CLTCL1: variants seen among roughly 807,000 people sequenced by gnomAD.
The protein encoded by CLTCL1 is clathrin heavy chain 2.
A neutral mutation model predicts 190.0 loss-of-function variants in CLTCL1; 159 were observed. The observed-to-expected ratio is 0.84, with a 90% confidence interval of 0.74 to 0.95. The LOEUF is 0.95. Ranked by LOEUF, CLTCL1 falls within the 40% of genes least tolerant of loss-of-function variation. The probability of loss-of-function intolerance (pLI) is 0.00; values close to 1 mark genes in which losing one functional copy is unlikely to be tolerated. For synonymous variants in CLTCL1, 752 were observed against 769.6 expected (o/e 0.98, Z 0.38); for missense variants, 1,878 against 2,033.4 (o/e 0.92, Z 1.47).
At chr22:19,184,562 C>T (rs1016433791) in intron 29 of CLTCL1, 1 of 455,946 alleles carries the variant, frequency 2.2e-6, no homozygotes. Flanking sequence ...GATTCTGACC[C>T]TCAGGTGAGA....
At chr22:19,260,450 G>A (rs939805912) in intron 2 of CLTCL1, among the ~76,000 whole-genome samples, 7 of 151,572 alleles carry the variant, frequency 4.6e-5, no homozygotes, top group East Asian at 1.9e-4. Context: ...AATGCTCACC[G>A]ACCACTCCAA....
At chr22:19,185,427 C>G (rs1771542) in intron 29 of CLTCL1, among the ~76,000 whole-genome samples, 2 of 151,640 alleles carry the variant, frequency 1.3e-5, no homozygotes, top group African/African-American at 2.4e-5. Flanking sequence ...CCTGGGTTCA[C>G]GCCATTCTCC....
chr22:19,187,727 C>G lies in CLTCL1; in HGVS notation c.4436G>C (p.Gly1479Ala), dbSNP rs540713106. 3.7e-5 allele frequency: 59 copies of G among 1,613,032 alleles called. No homozygotes were observed. The East Asian group carries it at 1.1e-3, about 30-fold the overall frequency. ...ATAGGCATCGATAGATGCCCTTAAG[C>G]CCTAGGAAGACAGCCTTTCTGTGAG... ...HLLTEEEDYQGLRASIDAYDN... is the reference protein window; with the variant it reads ...HLLTEEEDYQALRASIDAYDN... Residue 1479 changes from glycine (G) to alanine (A), a missense_variant and splice_region_variant, in exon 29 of 33, where the codon GGC (glycine) becomes GCC (alanine). Physicochemically the swap from Gly to Ala is moderately conservative, Grantham distance 60. Transcript: ENST00000427926.
chr22:19,249,882 C>T, intron 3 of CLTCL1: 1 of 426,362 alleles, frequency 2.3e-6, no homozygotes, highest in Non-Finnish European at 4.7e-6. Flanking sequence ...CGCCAGGTAC[C>T]ATGCAAAAGC....
intron 3 of CLTCL1, among the ~76,000 whole-genome samples, chr22:19,251,311 A>T (rs2800993): frequency 0.071 from 10,838 of 152,176 alleles, 473 homozygotes; most frequent in Middle Eastern, 0.17. Context: ...GATGTTTGCA[A>T]ACTGATATTG....
At chr22:19,187,879 G>A in intron 28 of CLTCL1, 102 bp downstream of exon 28, 4 of 1,367,766 alleles carry the variant, frequency 2.9e-6, no homozygotes, top group Non-Finnish European at 4.1e-6. Context: ...TGTGGGGCCT[G>A]CACACCCTCC....
intron 22 of CLTCL1, chr22:19,207,884 A>T (rs1198325578): frequency 1.6e-6 from 1 of 636,772 alleles, no homozygotes; most frequent in African/African-American, 1.8e-5. Flanking sequence ...GTTGCAGGAA[A>T]ATAAACTCAG....
intron 2 of CLTCL1, among the ~76,000 whole-genome samples, chr22:19,266,271 A>C (rs968286733): frequency 2.0e-5 from 3 of 152,206 alleles, no homozygotes; most frequent in Admixed American, 1.3e-4. Flanking sequence ...AACCCCAAAG[A>C]AATTAAAAGA....
chr22:19,227,307 T>A (rs1331323677), intron 11 of CLTCL1, among the ~76,000 whole-genome samples: 1 of 135,690 alleles, frequency 7.4e-6, no homozygotes, highest in African/African-American at 2.8e-5. Context: ...TGAGACAGGG[T>A]CTCACTCTGT....
rs2084494467 is a variant in CLTCL1 at position 19,191,284 on chromosome 22, T to C, written c.4323+20A>G. On this transcript the variant is annotated intron_variant, in intron 27 of 32. Coordinates refer to ENST00000427926, the MANE Select transcript of CLTCL1 (RefSeq NM_007098.4). ...AGCTAGCCCAATACACTCTTCTACC[T>C]GGGGTTTTGGTTGACTCACCTTTGA... 3.1e-6 allele frequency: 5 copies of C among 1,613,814 alleles called. No individual in the cohort carries two copies. The highest frequency in any genetic ancestry group is 1.7e-5 in the Admixed American group (1 of 59,994).
intron 26 of CLTCL1, among the ~76,000 whole-genome samples, chr22:19,194,805 T>C (rs2084643605): frequency 6.6e-6 from 1 of 152,248 alleles, no homozygotes; most frequent in African/African-American, 2.4e-5. Flanking sequence ...AGTGGATTCC[T>C]GCTATCGTGT....
At chr22:19,208,400 C>T (rs1569171359) in intron 21 of CLTCL1, 89 bp from the exon 22 acceptor site, 1 of 1,456,386 alleles carries the variant, frequency 6.9e-7, no homozygotes, top group Non-Finnish European at 9.4e-7. Context: ...CAGCCAGACA[C>T]ATTTACCCTC....
chr22:19,225,361 G>T, intron 13 of CLTCL1, 92 bp downstream of exon 13: 1 of 1,360,324 alleles, frequency 7.4e-7, no homozygotes, highest in Non-Finnish European at 9.9e-7. Flanking sequence ...GGCTTTGCAG[G>T]AAGGCCGTCT....
chr22:19,203,850 G>A (rs2084971165), intron 22 of CLTCL1, among the ~76,000 whole-genome samples: 1 of 152,132 alleles, frequency 6.6e-6, no homozygotes. Context: ...CCCCCAGGCA[G>A]TCCTCACACA....
chr22:19,194,211 C>T (rs2084619144), intron 26 of CLTCL1, among the ~76,000 whole-genome samples: 2 of 152,184 alleles, frequency 1.3e-5, no homozygotes, highest in Non-Finnish European at 2.9e-5. Flanking sequence ...CAAAATTTCT[C>T]CAAGTCCCCA....
intron 19 of CLTCL1, among the ~76,000 whole-genome samples, chr22:19,211,730 G>A (rs1485756889): frequency 1.4e-5 from 2 of 143,208 alleles, no homozygotes; most frequent in African/African-American, 2.6e-5. Flanking sequence ...TTGCGCCACT[G>A]CACTCCAGCC....
intron 16 of CLTCL1, 88 bp downstream of exon 16, chr22:19,221,863 A>G: frequency 1.4e-6 from 2 of 1,451,142 alleles, no homozygotes; most frequent in South Asian, 2.5e-5. Context: ...ACGACCAGCT[A>G]TAGAGACAGT....
At chr22:19,286,002 A>G (rs541669577) in intron 1 of CLTCL1, among the ~76,000 whole-genome samples, 59 of 152,242 alleles carry the variant, frequency 3.9e-4, no homozygotes, top group Non-Finnish European at 7.8e-4. Flanking sequence ...TCCCCTGGGG[A>G]GAGACAGACA....
rs782095715 is a variant in CLTCL1 at position 19,234,657 on chromosome 22, T to C, written c.1019A>G (p.Asn340Ser). ...ACCAAGGTCTGGATTCTGAAGCACGTTGGTTGCATAATTCACAATGTTATC... is the reference window on the plus strand; with the variant it reads ...ACCAAGGTCTGGATTCTGAAGCACGCTGGTTGCATAATTCACAATGTTATC... Reference protein sequence around the residue: ...EEDNIVNYATNVLQNPDLGLR... With the variant: ...EEDNIVNYATSVLQNPDLGLR... Residue 340 changes from asparagine to serine, a missense_variant, in exon 7 of 33, where the codon AAC becomes AGC. By Grantham distance (46) the Asn-to-Ser change is conservative (BLOSUM62 1). Transcript: ENST00000427926. 22 of 1,613,914 alleles carry C rather than the reference T, an allele frequency of 1.4e-5. No homozygotes were observed. The East Asian group carries it at 1.6e-4, about 11-fold the overall frequency.
Sources: allele counts gnomAD v4.1 joint callset (sites outside exome capture counted in the v4.1 genomes callset), GRCh38; gene constraint gnomAD v4.1.1; transcripts MANE v1.5; gene names NCBI Gene and HGNC (gene_info 2026-07-23, HGNC 2026-07-21).